Variants in MOB1B observed in about 807,000 individuals in gnomAD.
MOB1B encodes MOB kinase activator 1B.
A neutral mutation model predicts 24.4 loss-of-function variants in MOB1B; 19 were observed. The observed-to-expected ratio is 0.78, with a 90% CI of 0.54 to 1.14. The LOEUF (loss-of-function observed/expected upper bound fraction) is 1.14. MOB1B is among the 50% of genes most tolerant of loss of function. MOB1B has a pLI of 0.00. For missense variants in MOB1B, 243 were observed against 259.6 expected (o/e 0.94, Z 0.44); for synonymous variants, 76 against 82.1 (o/e 0.93, Z 0.40).
chr4:70,962,695 T>C (rs1712113151), intron 2 of MOB1B, among the ~76,000 whole-genome samples: 1 of 152,040 alleles, frequency 6.6e-6, no homozygotes, highest in South Asian at 2.1e-4. Flanking sequence ...ATTAATAAAT[T>C]AGACCTCATG....
intron 1 of MOB1B, among the ~76,000 whole-genome samples, chr4:70,938,017 T>C (rs1578369155): frequency 1.3e-5 from 2 of 152,134 alleles, no homozygotes; most frequent in South Asian, 4.1e-4. Flanking sequence ...AAGATTTTTA[T>C]TGATAGTTTT....
At chr4:70,959,151 A>T in intron 2 of MOB1B, 111 bp downstream of exon 2, 3 of 767,600 alleles carry the variant, frequency 3.9e-6, no homozygotes, top group Non-Finnish European at 6.3e-6. Flanking sequence ...TAATATCATA[A>T]AAGAGTGATA....
At chr4:70,938,366 G>C (rs185503497) in intron 1 of MOB1B, among the ~76,000 whole-genome samples, 24 of 120,370 alleles carry the variant, frequency 2.0e-4, no homozygotes, top group African/African-American at 7.6e-4. Flanking sequence ...TTCAGTCTTT[G>C]TTTGGAGGTT....
chr4:70,964,254 C>T (rs1450319831), intron 2 of MOB1B, among the ~76,000 whole-genome samples: 1 of 152,098 alleles, frequency 6.6e-6, no homozygotes, highest in Non-Finnish European at 1.5e-5. Flanking sequence ...AAAATTTGAG[C>T]AACATGATTA....
chr4:70,917,991 C>T (rs1461186846), intron 1 of MOB1B, among the ~76,000 whole-genome samples: 5 of 152,102 alleles, frequency 3.3e-5, no homozygotes, highest in Non-Finnish European at 7.4e-5. Flanking sequence ...CTATGGTTTA[C>T]AATAACTTAA....
chr4:70,958,410 C>T (rs867908092), intron 1 of MOB1B, among the ~76,000 whole-genome samples: 12 of 151,980 alleles, frequency 7.9e-5, no homozygotes, highest in Admixed American at 2.6e-4. Context: ...TTGGGTAATC[C>T]GCCTACCTCT....
chr4:70,963,697 G>C (rs28522570), intron 2 of MOB1B, among the ~76,000 whole-genome samples: 6,896 of 152,116 alleles, frequency 0.045, 290 homozygotes, highest in African/African-American at 0.11. Flanking sequence ...ACACACACCT[G>C]TGGTCCCAGC....
At chr4:70,903,561 A>G (rs1735607629) in intron 1 of MOB1B, among the ~76,000 whole-genome samples, 1 of 152,200 alleles carries the variant, frequency 6.6e-6, no homozygotes, top group African/African-American at 2.4e-5. Flanking sequence ...AAAACTAATA[A>G]AAAACTTAGA....
chr4:70,967,619 T>C lies in MOB1B; in HGVS notation c.182-2312T>C, dbSNP rs1003962547. ...AAAAGACCATAATTATTATTACTAA[T>C]AGATGAGTTTAATGAGGTTGTCAGC... is the stretch of plus-strand genomic sequence containing the variant. On this transcript the variant is annotated intron_variant, in intron 2 of 5. Transcript: ENST00000309395. 2.0e-5 allele frequency among the ~76,000 whole-genome samples: 3 copies of C among 152,106 alleles called. 1 individual carries two copies. Among genetic ancestry groups the C allele is most frequent in the Admixed American group, 2.0e-4 (3 of 15,270 alleles).
At chr4:70,975,740 C>G in intron 4 of MOB1B, 1 of 978,784 alleles carries the variant, frequency 1.0e-6, no homozygotes, top group Middle Eastern at 5.3e-4. Flanking sequence ...GTAGAAAGTT[C>G]TAGATGGAGG....
intron 1 of MOB1B, among the ~76,000 whole-genome samples, chr4:70,935,281 A>AG (rs1458520120): frequency 1.3e-4 from 20 of 152,218 alleles, no homozygotes; most frequent in African/African-American, 4.8e-4. Flanking sequence ...CAGATAAGAA[A>AG]GGGAGTATAC....
intron 3 of MOB1B, 150 bp from the exon 4 acceptor site, chr4:70,975,003 C>T (rs1212185015): frequency 3.8e-6 from 2 of 526,852 alleles, no homozygotes; most frequent in East Asian, 3.5e-5. Context: ...CAAAGTAGTC[C>T]ACTGGGTATT....
At position 70,958,239 on chromosome 4, in the gene MOB1B, A is replaced by C. The variant is rs541869782; in HGVS notation, c.15-635A>C. 2.7e-5 allele frequency among the ~76,000 whole-genome samples: 4 copies of C among 150,766 alleles called. No homozygotes were observed. The South Asian group carries it at 8.4e-4, about 32-fold the overall frequency. ...GAGTGCAGTGGCACAATCTTGGGTC[A>C]CCACAACCTCTGCCTCCCGAGTTCA... is the stretch of plus-strand genomic sequence containing the variant. On this transcript the variant is annotated intron_variant, in intron 1 of 5. Coordinates refer to ENST00000309395, the MANE Select transcript of MOB1B (RefSeq NM_173468.4).
At chr4:70,932,916 T>C (rs943981813) in intron 1 of MOB1B, among the ~76,000 whole-genome samples, 1 of 152,222 alleles carries the variant, frequency 6.6e-6, no homozygotes, top group Non-Finnish European at 1.5e-5. Flanking sequence ...TTTTGACTTA[T>C]CTATAGTATA....
At position 70,975,554 on chromosome 4, in the gene MOB1B, A is replaced by C. The variant is rs1738947721; in HGVS notation, c.409+268A>C. Reference sequence around the variant, plus strand: ...AGCTGAAAGTATAGGTTTATTAGAAAATAAATGATCTCCCTCTCTTAAGGT... The same window carrying C: ...AGCTGAAAGTATAGGTTTATTAGAACATAAATGATCTCCCTCTCTTAAGGT... On this transcript the variant is annotated intron_variant, in intron 4 of 5. Transcript: ENST00000309395. 6.5e-6 allele frequency: 7 copies of C among 1,084,866 alleles called. No individual in the cohort carries two copies. In the South Asian group the frequency reaches 2.9e-4, roughly 45 times the overall value. The allele number at this position is 1,084,866 out of a possible 1,614,324, so 67.2% of individuals were successfully genotyped here. A position where few individuals can be genotyped will look rare whatever the true frequency, so the allele number is the denominator to read the frequency against.
At chr4:70,967,832 A>G (rs1738595133) in intron 2 of MOB1B, among the ~76,000 whole-genome samples, 1 of 152,026 alleles carries the variant, frequency 6.6e-6, no homozygotes, top group Non-Finnish European at 1.5e-5. Flanking sequence ...TTTAAAATTA[A>G]ATTTTTATTT....
chr4:70,933,137 A>G (rs1016980882), intron 1 of MOB1B, among the ~76,000 whole-genome samples: 3 of 152,162 alleles, frequency 2.0e-5, no homozygotes, highest in African/African-American at 4.8e-5. Context: ...ACTTCTTCAC[A>G]TGGTGACAGG....
chr4:70,925,515 A>G (rs1181502263), intron 1 of MOB1B, among the ~76,000 whole-genome samples: 1 of 152,220 alleles, frequency 6.6e-6, no homozygotes, highest in East Asian at 1.9e-4. Context: ...CTCTGGTGAC[A>G]GAAAGTACTC....
intron 2 of MOB1B, among the ~76,000 whole-genome samples, chr4:70,967,823 T>C (rs1041252967): frequency 4.6e-5 from 7 of 152,186 alleles, no homozygotes; most frequent in Admixed American, 3.9e-4. Flanking sequence ...TTCTCTTTTT[T>C]TAAAATTAAA....
Sources: gnomAD v4.1 joint callset for allele counts (sites outside exome capture counted in the v4.1 genomes callset) on GRCh38, gnomAD v4.1.1 for gene constraint, MANE v1.5 for transcripts, NCBI Gene and HGNC (gene_info 2026-07-23, HGNC 2026-07-21) for gene names.